ARSB: variants seen among roughly 807,000 people sequenced by gnomAD.
ARSB encodes the protein arylsulfatase B.
Under a neutral mutation model 50.9 loss-of-function variants are expected in ARSB, and 41 were observed. That is an observed-to-expected ratio of 0.81 (90% CI 0.63 to 1.04). ARSB has a LOEUF of 1.04. Among genes scored for constraint, ARSB ranks in the 50% least tolerant of loss-of-function variants. ARSB has a pLI of 0.00. For synonymous variants in ARSB, 269 were observed against 284.8 expected (o/e 0.94, Z 0.56); for missense variants, 672 against 693.3 (o/e 0.97, Z 0.35).
intron 6 of ARSB, among the ~76,000 whole-genome samples, chr5:78,811,933 A>ATT (rs149487163): frequency 2.7e-5 from 4 of 150,510 alleles, no homozygotes; most frequent in South Asian, 4.2e-4. Flanking sequence ...TCATCCATAC[A>ATT]TTTTTTTTTT....
chr5:78,876,297 C>T (rs1747477779), intron 5 of ARSB, among the ~76,000 whole-genome samples: 1 of 152,102 alleles, frequency 6.6e-6, no homozygotes, highest in Non-Finnish European at 1.5e-5. Flanking sequence ...ATTTAAAACA[C>T]TTGAAAGTGA....
At chr5:78,890,694 T>A (rs141239397) in intron 4 of ARSB, among the ~76,000 whole-genome samples, 3 of 152,196 alleles carry the variant, frequency 2.0e-5, no homozygotes. Flanking sequence ...GGCCCACATA[T>A]AGAATCCTTC....
intron 6 of ARSB, among the ~76,000 whole-genome samples, chr5:78,794,011 A>G (rs1743084195): frequency 6.6e-6 from 1 of 152,210 alleles, no homozygotes; most frequent in African/African-American, 2.4e-5. Context: ...CATTCTGTAG[A>G]GCCCGTACAT....
At chr5:78,782,081 G>A in intron 6 of ARSB, 107 bp from the exon 7 acceptor site, 1 of 1,341,648 alleles carries the variant, frequency 7.5e-7, no homozygotes. Context: ...CAACACTGGA[G>A]TGCAAATGTG....
intron 4 of ARSB, among the ~76,000 whole-genome samples, chr5:78,925,658 T>C (rs1421501546): frequency 6.6e-6 from 1 of 152,230 alleles, no homozygotes; most frequent in Admixed American, 6.5e-5. Context: ...CAGTATGTTC[T>C]GTCGTAAACA....
intron 1 of ARSB, among the ~76,000 whole-genome samples, chr5:78,980,806 C>T (rs1752871822): frequency 6.6e-6 from 1 of 151,304 alleles, no homozygotes; most frequent in South Asian, 2.1e-4. Context: ...GTTTTTAAGC[C>T]ATGTGAATGT....
intron 6 of ARSB, among the ~76,000 whole-genome samples, chr5:78,788,928 G>C (rs1749169067): frequency 6.6e-6 from 1 of 152,108 alleles, no homozygotes; most frequent in Non-Finnish European, 1.5e-5. Context: ...CACCACACCT[G>C]GCCTACATTT....
At chr5:78,917,084 G>T (rs1749586165) in intron 4 of ARSB, among the ~76,000 whole-genome samples, 1 of 152,194 alleles carries the variant, frequency 6.6e-6, no homozygotes, top group African/African-American at 2.4e-5. Flanking sequence ...AGAAGATAGA[G>T]GAGTTGACTT....
chr5:78,853,605 T>A (rs1384499006), intron 5 of ARSB, among the ~76,000 whole-genome samples: 2 of 152,218 alleles, frequency 1.3e-5, no homozygotes, highest in Non-Finnish European at 2.9e-5. Context: ...GACAGGGATA[T>A]TTAAGTCTGC....
chr5:78,941,761 T>C (rs1222748733), intron 4 of ARSB, among the ~76,000 whole-genome samples: 1 of 152,210 alleles, frequency 6.6e-6, no homozygotes, highest in African/African-American at 2.4e-5. Flanking sequence ...GTTGTGTCTC[T>C]GCCTGGCTTT....
chr5:78,889,887 C>A (rs999210801), intron 4 of ARSB, among the ~76,000 whole-genome samples: 4 of 152,182 alleles, frequency 2.6e-5, no homozygotes, highest in African/African-American at 7.2e-5. Flanking sequence ...CTGGGGCTTA[C>A]CCTAGTCATC....
At chr5:78,849,027 T>C (rs1745604742) in intron 5 of ARSB, among the ~76,000 whole-genome samples, 6 of 152,138 alleles carry the variant, frequency 3.9e-5, no homozygotes, top group East Asian at 1.9e-4. Flanking sequence ...CCTGTTCACT[T>C]TGATGGTAGT....
Position 78,978,214 on chromosome 5 carries a change from C to A in ARSB, c.312+6723G>T, listed in dbSNP as rs933154526. Among the ~76,000 whole-genome samples, 20 of 152,032 alleles carry A rather than the reference C, an allele frequency of 1.3e-4. No individual in the cohort carries two copies. In the East Asian group the frequency reaches 3.9e-3, roughly 29 times the overall value. On this transcript the variant is annotated intron_variant, in intron 1 of 7. Coordinates refer to ENST00000264914, the MANE Select transcript of ARSB (RefSeq NM_000046.5). ...ACTAGGTAGGCGTGGTGGTGGGTGC[C>A]TATAGTCCCAGCTACTCAGGAGGCT...
intron 6 of ARSB, among the ~76,000 whole-genome samples, chr5:78,787,587 A>G (rs1194807532): frequency 6.6e-6 from 1 of 152,242 alleles, no homozygotes; most frequent in Non-Finnish European, 1.5e-5. Context: ...GAGCAAAGAG[A>G]CATCTAAGAG....
At chr5:78,898,405 A>G (rs1255519135) in intron 4 of ARSB, among the ~76,000 whole-genome samples, 1 of 152,238 alleles carries the variant, frequency 6.6e-6, no homozygotes, top group Non-Finnish European at 1.5e-5. Context: ...GGAATCCTGT[A>G]CTTCCCAACT....
chr5:78,964,176 T>C (rs1012259593), intron 3 of ARSB, among the ~76,000 whole-genome samples: 3 of 152,188 alleles, frequency 2.0e-5, no homozygotes, highest in Non-Finnish European at 4.4e-5. Flanking sequence ...AGAGTTTCTC[T>C]AAAATGCTGA....
At chr5:78,804,642 C>T (rs893486982) in intron 6 of ARSB, among the ~76,000 whole-genome samples, 1 of 152,168 alleles carries the variant, frequency 6.6e-6, no homozygotes, top group African/African-American at 2.4e-5. Context: ...TGTAATTACC[C>T]AAATGCTTTC....
At chr5:78,889,338 T>C (rs1472642727) in intron 4 of ARSB, among the ~76,000 whole-genome samples, 1 of 152,256 alleles carries the variant, frequency 6.6e-6, no homozygotes, top group African/African-American at 2.4e-5. Context: ...TTCTTCTCAT[T>C]TTCCCTTCTA....
intron 5 of ARSB, among the ~76,000 whole-genome samples, chr5:78,873,729 T>C (rs1281201142): frequency 2.0e-5 from 3 of 151,814 alleles, no homozygotes; most frequent in South Asian, 4.2e-4. Context: ...TCTCCTGACC[T>C]TGTGATCCGC....
Sources: allele counts gnomAD v4.1 joint callset (sites outside exome capture counted in the v4.1 genomes callset), GRCh38; gene constraint gnomAD v4.1.1; transcripts MANE v1.5; gene names NCBI Gene and HGNC (gene_info 2026-07-23, HGNC 2026-07-21).